The following DERA variants were observed in gnomAD, a reference collection of about 807,000 sequenced individuals.
The protein encoded by DERA is deoxyribose-phosphate aldolase.
DERA carries 15 observed loss-of-function variants against 41.1 expected under a neutral mutation model. The ratio of observed to expected loss-of-function variants is 0.37; its 90% CI spans 0.24 to 0.56. The LOEUF is 0.56. Among genes scored for constraint, DERA ranks in the 20% least tolerant of loss-of-function variants. DERA has a pLI of 0.81. For missense variants in DERA, 396 were observed against 403.4 expected (o/e 0.98, Z 0.16); for synonymous variants, 139 against 137.4 (o/e 1.01, Z -0.08).
At position 16,011,401 on chromosome 12, in the gene DERA, G is replaced by A. The variant is rs145828241; in HGVS notation, c.638-21141G>A. ...ATTTGCATATGCTTACCCTAACCTG[G>A]TTGAGCATCCCAAATCCAAAAATCT... On this transcript the variant is annotated intron_variant, in intron 6 of 8. Coordinates refer to ENST00000428559, the MANE Select transcript of DERA (RefSeq NM_015954.4). The surrounding 1 kb of genome is among the most constrained non-coding windows in gnomAD (Gnocchi z 4.7). 7.2e-5 allele frequency among the ~76,000 whole-genome samples: 11 copies of A among 152,024 alleles called. No individual in the cohort carries two copies. Among genetic ancestry groups the A allele is most frequent in the Non-Finnish European group, 1.6e-4 (11 of 68,010 alleles).
intron 5 of DERA, among the ~76,000 whole-genome samples, chr12:15,971,642 G>C (rs776326089): frequency 6.6e-6 from 1 of 150,732 alleles, no homozygotes; most frequent in Admixed American, 6.6e-5. Context: ...TCAGCGTCCC[G>C]AGTAGCTGGA....
rs142603301 is a variant in DERA, at chr12:15,936,876, T to C, written c.32-20060T>C. Among the ~76,000 whole-genome samples the C allele has an allele frequency of 1.2e-3, 163 of 134,268 alleles. No individual in the cohort carries two copies. The highest frequency in any genetic ancestry group is 5.2e-3 in the African/African-American group (150 of 28,808). 88.1% of individuals were successfully genotyped at this position (134,268 alleles called of 152,430 possible). On this transcript the variant is annotated intron_variant, in intron 1 of 8. Coordinates refer to ENST00000428559, the MANE Select transcript of DERA (RefSeq NM_015954.4). The surrounding 1 kb of genome is among the most constrained non-coding windows in gnomAD (Gnocchi z 4.6). ...TTGTCTTGTCTTGTCTTGTCTTGTC[T>C]TGTCTTGTCTTGTCCTGTCCTGTCC...
In DERA at chr12:15,977,621, AT is replaced by A. The variant is rs536991828; in HGVS notation, c.509-4681del. Among the ~76,000 whole-genome samples the A allele has an allele frequency of 5.3e-5, 8 of 152,182 alleles. 1 individual carries two copies. In the South Asian group the frequency reaches 1.7e-3, roughly 32 times the overall value. On this transcript the variant is annotated intron_variant, in intron 5 of 8. Coordinates refer to ENST00000428559, the MANE Select transcript of DERA (RefSeq NM_015954.4). ...AGGCATTTGCCACCATGCCTGGTTA[AT>A]TTTTTGCATTTTTTTAGTAGAGACG...
chr12:15,950,004 C>T (rs1948485201), intron 1 of DERA, among the ~76,000 whole-genome samples: 1 of 152,138 alleles, frequency 6.6e-6, no homozygotes, highest in Non-Finnish European at 1.5e-5. Context: ...TGCCTACTTT[C>T]CCCTGATTAC....
rs1336347739 is a variant in DERA, at chr12:15,990,391, A to T, written c.637+7955A>T. On this transcript the variant is annotated intron_variant, in intron 6 of 8. Coordinates refer to ENST00000428559, the MANE Select transcript of DERA (RefSeq NM_015954.4). This position sits in a 1 kb window ranked among gnomAD's most constrained non-coding sequence, Gnocchi z 4.3. ...AATCACAATTAGATGTGGTCTAGTT[A>T]ATGATATGTTTGTGGTACGCTACTT... Among the ~76,000 whole-genome samples, 1 of 152,200 alleles carries T rather than the reference A, an allele frequency of 6.6e-6. No individual in the cohort carries two copies. Among genetic ancestry groups the T allele is most frequent in the Non-Finnish European group, 1.5e-5 (1 of 68,016 alleles).
rs1948699898 is a variant in DERA at position 15,976,718 on chromosome 12, C to T, written c.509-5590C>T. Among the ~76,000 whole-genome samples the T allele has an allele frequency of 6.6e-6, 1 of 152,188 alleles. No homozygotes were observed. Among genetic ancestry groups the T allele is most frequent in the South Asian group, 2.1e-4 (1 of 4,832 alleles). On this transcript the variant is annotated intron_variant, in intron 5 of 8. Transcript: ENST00000428559. The surrounding 1 kb of genome is among the most constrained non-coding windows in gnomAD (Gnocchi z 4.1). ...TGAAGGAAAAATGATTGATTACCTTCCTAACCGTTTTAATACTTTTATATT... is the reference window on the plus strand; with the variant it reads ...TGAAGGAAAAATGATTGATTACCTTTCTAACCGTTTTAATACTTTTATATT...
intron 1 of DERA, among the ~76,000 whole-genome samples, chr12:15,934,313 G>A (rs547742917): frequency 9.0e-4 from 137 of 152,218 alleles, no homozygotes; most frequent in South Asian, 1.0e-3. Flanking sequence ...TAGGCCCTGC[G>A]CGGTGGCTCA....
chr12:15,953,336 A>G (rs1270461698), intron 1 of DERA, among the ~76,000 whole-genome samples: 1 of 152,210 alleles, frequency 6.6e-6, no homozygotes, highest in Non-Finnish European at 1.5e-5. Context: ...TACATGCTTT[A>G]GGAATACTGT....
At chr12:15,950,535 C>G (rs1438893072) in intron 1 of DERA, among the ~76,000 whole-genome samples, 1 of 152,198 alleles carries the variant, frequency 6.6e-6, no homozygotes, top group Non-Finnish European at 1.5e-5. Context: ...ATGCCTTAAC[C>G]ATCTGGGAAT....
At chr12:16,034,372 C>A (rs1949113110) in intron 7 of DERA, among the ~76,000 whole-genome samples, 1 of 152,152 alleles carries the variant, frequency 6.6e-6, no homozygotes, top group African/African-American at 2.4e-5. Context: ...GTGTTCCAGG[C>A]CAGAGTACAG....
In DERA at chr12:15,936,930, CCTGTCTT is replaced by C. The variant is rs879600983; in HGVS notation, c.32-20005_32-19999del. Among the ~76,000 whole-genome samples the C allele has an allele frequency of 0.01, 1,393 of 137,332 alleles. 17 individuals carry two copies. The highest frequency in any genetic ancestry group is 0.027 in the East Asian group (136 of 5,068). 90.1% of individuals were successfully genotyped at this position (137,332 alleles called of 152,430 possible). On this transcript the variant is annotated intron_variant, in intron 1 of 8. Transcript: ENST00000428559. The surrounding 1 kb of genome is among the most constrained non-coding windows in gnomAD (Gnocchi z 4.6). ...CCTGTCCTGTCCTGTCCTGTCCTGT[CCTGTCTT>C]GTCCTGTCCCGTCCTGTCCTGCCCT...
chr12:15,990,884 T>A lies in DERA; in HGVS notation c.637+8448T>A, dbSNP rs1948797696. On this transcript the variant is annotated intron_variant, in intron 6 of 8. Transcript: ENST00000428559. This position sits in a 1 kb window ranked among gnomAD's most constrained non-coding sequence, Gnocchi z 4.3. ...GATGGACATTTACATTGATTCCATG[T>A]CTTTGCTGTTGTGAGTATTGCTGCG... Among the ~76,000 whole-genome samples, 1 of 152,184 alleles carries A rather than the reference T, an allele frequency of 6.6e-6. No homozygotes were observed. The highest frequency in any genetic ancestry group is 2.1e-4 in the South Asian group (1 of 4,830).
intron 1 of DERA, among the ~76,000 whole-genome samples, chr12:15,920,436 C>T (rs1193372661): frequency 1.3e-5 from 2 of 152,146 alleles, no homozygotes; most frequent in African/African-American, 4.8e-5. Flanking sequence ...CCTTCTTTTC[C>T]ACTAGTTTAC....
chr12:15,911,345 G>T lies in DERA; in HGVS notation c.-39G>T, dbSNP rs1948161145. The T allele has an allele frequency of 4.2e-6, 6 of 1,437,536 alleles. No homozygotes were observed. The highest frequency in any genetic ancestry group is 3.0e-5 in the East Asian group (1 of 33,666). The allele number at this position is 1,437,536 out of a possible 1,614,324, so 89.0% of individuals were successfully genotyped here. On this transcript the variant is annotated 5_prime_UTR_variant, in exon 1 of 9. Transcript: ENST00000428559. The surrounding 1 kb of genome is among the most constrained non-coding windows in gnomAD (Gnocchi z 4.5). The stretch of plus-strand genomic sequence containing the variant: ...GAAGGGCCGGGCGCGGCGCAGAGGC[G>T]GGCGCCTACCAGCCGGCAGCTCCGG...
Position 16,004,518 on chromosome 12 carries a change from G to T in DERA, c.637+22082G>T, listed in dbSNP as rs901433799. ...CATTGAAAAAAATTAAAGCTAGTAA[G>T]GAAAAGAGGCATCCCAGTACTTTCT... On this transcript the variant is annotated intron_variant, in intron 6 of 8. Transcript: ENST00000428559. The surrounding 1 kb of genome is among the most constrained non-coding windows in gnomAD (Gnocchi z 4.2). 6.6e-5 allele frequency among the ~76,000 whole-genome samples: 10 copies of T among 152,052 alleles called. No homozygotes were observed. Among genetic ancestry groups the T allele is most frequent in the Admixed American group, 4.6e-4 (7 of 15,276 alleles).
At chr12:15,914,517 G>A (rs1338025697) in intron 1 of DERA, among the ~76,000 whole-genome samples, 1 of 152,054 alleles carries the variant, frequency 6.6e-6, no homozygotes, top group Non-Finnish European at 1.5e-5. Context: ...CAGATGCTGT[G>A]AAGCTTGGCA....
At chr12:15,962,692 G>C (rs905755604) in intron 4 of DERA, 121 bp from the exon 5 acceptor site, 2 of 727,850 alleles carry the variant, frequency 2.7e-6, no homozygotes, top group African/African-American at 3.6e-5. Flanking sequence ...ATGTTTGGGG[G>C]TTTGGAATTC....
chr12:15,992,632 CT>C lies in DERA; in HGVS notation c.637+10202del, dbSNP rs1565607718. On this transcript the variant is annotated intron_variant, in intron 6 of 8. Coordinates refer to ENST00000428559, the MANE Select transcript of DERA (RefSeq NM_015954.4). The surrounding 1 kb of genome is among the most constrained non-coding windows in gnomAD (Gnocchi z 4.3). ...TCAGAGAAGAAAAAAGAGAGCTATA[CT>C]TTTTTCCTTGAACAATCCAAGAACA... is the stretch of plus-strand genomic sequence containing the variant. 6.6e-6 allele frequency among the ~76,000 whole-genome samples: 1 copy of C among 152,052 alleles called. No homozygotes were observed. Among genetic ancestry groups the C allele is most frequent in the Non-Finnish European group, 1.5e-5 (1 of 67,970 alleles).
rs1948423262 is a variant in DERA at position 15,943,544 on chromosome 12, C to G, written c.32-13392C>G. 6.6e-6 allele frequency among the ~76,000 whole-genome samples: 1 copy of G among 152,154 alleles called. No homozygotes were observed. Among genetic ancestry groups the G allele is most frequent in the Non-Finnish European group, 1.5e-5 (1 of 68,032 alleles). The stretch of plus-strand genomic sequence containing the variant: ...TTAAGGACCTTTTAAACCCTGTTGG[C>G]CATGGCTCACCATATGCATTGTATT... On this transcript the variant is annotated intron_variant, in intron 1 of 8. Coordinates refer to ENST00000428559, the MANE Select transcript of DERA (RefSeq NM_015954.4). The surrounding 1 kb of genome is among the most constrained non-coding windows in gnomAD (Gnocchi z 4.5).
Sources: allele counts gnomAD v4.1 joint callset (sites outside exome capture counted in the v4.1 genomes callset), GRCh38; gene constraint gnomAD v4.1.1; non-coding constraint Gnocchi (gnomAD v3.1); transcripts MANE v1.5; gene names NCBI Gene and HGNC (gene_info 2026-07-23, HGNC 2026-07-21).